Variants in MEI4 observed in about 807,000 individuals in gnomAD.
MEI4 encodes the protein meiosis-specific protein MEI4.
MEI4 carries 27 observed loss-of-function variants against 31.4 expected under a neutral mutation model. That is an observed-to-expected ratio of 0.86 (90% CI 0.63 to 1.19). The LOEUF (loss-of-function observed/expected upper bound fraction) is 1.19, where lower values mean the gene tolerates loss of function less well. MEI4 is among the 50% of genes most tolerant of loss of function. The pLI, the probability that MEI4 is intolerant of heterozygous loss-of-function variation, is 0.00. For missense variants in MEI4, 329 were observed against 398.9 expected, an observed-to-expected ratio of 0.82 and a Z score of 1.49; for synonymous variants, 122 against 145.4, an observed-to-expected ratio of 0.84 and a Z score of 1.16.
intron 4 of MEI4, among the ~76,000 whole-genome samples, chr6:77,851,166 G>A (rs1362279231): frequency 1.3e-5 from 2 of 152,070 alleles, no homozygotes; most frequent in African/African-American, 2.4e-5. Context: ...TGGAGAAATA[G>A]GAACACTTTT....
At chr6:77,772,264 AAAAAAAG>A (rs1768336962) in intron 3 of MEI4, among the ~76,000 whole-genome samples, 1 of 151,662 alleles carries the variant, frequency 6.6e-6, no homozygotes, top group African/African-American at 2.4e-5. Context: ...ATCAAAAAAA[AAAAAAAG>A]AAAACTACAG....
At chr6:77,667,121 G>GA (rs949024769) in intron 1 of MEI4, among the ~76,000 whole-genome samples, 1 of 152,144 alleles carries the variant, frequency 6.6e-6, no homozygotes, top group African/African-American at 2.4e-5. Context: ...CACCTTCTCT[G>GA]AATTTTAATT....
chr6:77,819,440 G>T (rs1769764901), intron 3 of MEI4, among the ~76,000 whole-genome samples: 1 of 151,778 alleles, frequency 6.6e-6, no homozygotes, highest in Non-Finnish European at 1.5e-5. Context: ...ATCATTATTG[G>T]ACCAGAAACC....
chr6:77,714,654 T>G (rs1766540267), intron 2 of MEI4, among the ~76,000 whole-genome samples: 1 of 152,158 alleles, frequency 6.6e-6, no homozygotes. Context: ...TTCAAGGCGC[T>G]CTCTATTGTG....
intron 4 of MEI4, among the ~76,000 whole-genome samples, chr6:77,915,081 ATTCCT>A (rs1766514616): frequency 6.6e-6 from 1 of 152,062 alleles, no homozygotes; most frequent in African/African-American, 2.4e-5. Context: ...GTGATGGCTT[ATTCCT>A]GCCATTTTAC....
intron 3 of MEI4, among the ~76,000 whole-genome samples, chr6:77,811,364 A>G (rs1022683733): frequency 1.3e-5 from 2 of 152,212 alleles, no homozygotes; most frequent in Non-Finnish European, 2.9e-5. Flanking sequence ...AATACTATCT[A>G]GCATAATGAA....
intron 2 of MEI4, among the ~76,000 whole-genome samples, chr6:77,699,868 T>A (rs1023327084): frequency 6.6e-6 from 1 of 151,730 alleles, no homozygotes; most frequent in Non-Finnish European, 1.5e-5. Flanking sequence ...TACCTGGGTG[T>A]CAGCAGCAGT....
rs968868909 is a variant in MEI4, at chr6:77,847,467, A to G, written c.900+18405A>G. Reference sequence around the variant, plus strand: ...GTCTATCAGTCACTGAAAAGAAGTCAGCAGAGTCATTTCAGTGTCATGAGA... The same window carrying G: ...GTCTATCAGTCACTGAAAAGAAGTCGGCAGAGTCATTTCAGTGTCATGAGA... On this transcript the variant is annotated intron_variant, in intron 4 of 4. Transcript: ENST00000684080. This position sits in a 1 kb window ranked among gnomAD's most constrained non-coding sequence, Gnocchi z 4.6. Among the ~76,000 whole-genome samples, 1 of 152,196 alleles carries G rather than the reference A, an allele frequency of 6.6e-6. No homozygotes were observed. Among genetic ancestry groups the G allele is most frequent in the Non-Finnish European group, 1.5e-5 (1 of 68,034 alleles).
intron 3 of MEI4, 31 bp from the exon 4 acceptor site, chr6:77,828,900 A>C: frequency 1.6e-6 from 2 of 1,230,652 alleles, no homozygotes; most frequent in Non-Finnish European, 2.0e-6. Flanking sequence ...GACGTGATGG[A>C]ATATAGAAAC....
At chr6:77,779,972 G>T (rs889065188) in intron 3 of MEI4, among the ~76,000 whole-genome samples, 1 of 152,138 alleles carries the variant, frequency 6.6e-6, no homozygotes, top group African/African-American at 2.4e-5. Flanking sequence ...ATGGGTATTG[G>T]AAAATAACAA....
At chr6:77,913,541 T>G (rs576504114) in intron 4 of MEI4, among the ~76,000 whole-genome samples, 17 of 152,198 alleles carry the variant, frequency 1.1e-4, no homozygotes, top group South Asian at 6.2e-4. Flanking sequence ...AGGAATTTAT[T>G]TATCTCCTCG....
chr6:77,912,727 G>A (rs1766459468), intron 4 of MEI4, among the ~76,000 whole-genome samples: 1 of 152,002 alleles, frequency 6.6e-6, no homozygotes, highest in Admixed American at 6.6e-5. Flanking sequence ...GGTTTTTCTA[G>A]ATAAAAGATA....
intron 2 of MEI4, among the ~76,000 whole-genome samples, chr6:77,753,528 A>C (rs140167261): frequency 0.092 from 14,012 of 152,308 alleles, 931 homozygotes; most frequent in East Asian, 0.31. Flanking sequence ...CATTAGAGAA[A>C]TGCAAATCAA....
chr6:77,742,028 A>G lies in MEI4; in HGVS notation c.233-19102A>G, dbSNP rs1320663530. On this transcript the variant is annotated intron_variant, in intron 2 of 4. Transcript: ENST00000684080. The stretch of plus-strand genomic sequence containing the variant: ...TTGATCCAGTCTATCATTGTTGGAC[A>G]TTTGGCTTGGTTCCAAGTCTTTGCT... 5.9e-5 allele frequency among the ~76,000 whole-genome samples: 9 copies of G among 152,060 alleles called. No individual in the cohort carries two copies. The East Asian group carries it at 1.7e-3, about 30-fold the overall frequency.
intron 2 of MEI4, among the ~76,000 whole-genome samples, chr6:77,713,362 CT>C (rs1425525649): frequency 6.6e-6 from 1 of 152,080 alleles, no homozygotes; most frequent in African/African-American, 2.4e-5. Flanking sequence ...GCAGAAGAAC[CT>C]AAGAATTTTT....
In MEI4 at chr6:77,923,459, CTA is replaced by C; in HGVS notation, c.*114_*115del. On this transcript the variant is annotated 3_prime_UTR_variant, in exon 5 of 5. Transcript: ENST00000684080. ...TTAATTAGCATTTTAGAATTGATCTCTAAATATAATTATCAATTCAACTTAAT... is the reference window on the plus strand; with the variant it reads ...TTAATTAGCATTTTAGAATTGATCTCAATATAATTATCAATTCAACTTAAT... The C allele has an allele frequency of 1.2e-6, 1 of 831,122 alleles. No individual in the cohort carries two copies. Among genetic ancestry groups the C allele is most frequent in the Non-Finnish European group, 1.6e-6 (1 of 624,854 alleles). The allele number at this position is 831,122 out of a possible 1,614,324, so 51.5% of individuals were successfully genotyped here.
intron 3 of MEI4, among the ~76,000 whole-genome samples, chr6:77,788,868 A>G (rs2127694655): frequency 6.6e-6 from 1 of 152,346 alleles, no homozygotes; most frequent in African/African-American, 2.4e-5. Flanking sequence ...CCATCTAGCT[A>G]CAAGTGACTT....
intron 2 of MEI4, among the ~76,000 whole-genome samples, chr6:77,720,314 A>C (rs1766683542): frequency 3.4e-5 from 1 of 29,322 alleles, no homozygotes; most frequent in African/African-American, 1.6e-4. Flanking sequence ...GTCCTTGGGA[A>C]TTATAAGGAA....
Position 77,672,266 on chromosome 6 carries a change from C to T in MEI4, c.-14-18392C>T, listed in dbSNP as rs1171651397. Among the ~76,000 whole-genome samples, 3 of 152,328 alleles carry T rather than the reference C, an allele frequency of 2.0e-5. No individual in the cohort carries two copies. The East Asian group carries it at 5.8e-4, about 29-fold the overall frequency. On this transcript the variant is annotated intron_variant, in intron 1 of 4. Coordinates refer to ENST00000684080, the MANE Select transcript of MEI4 (RefSeq NM_001322247.2). The stretch of plus-strand genomic sequence containing the variant: ...TTTTTGGTGTTCAATGTTTGCACAT[C>T]TATCCAGATCAAATAATGCTGTTAG...
Sources: gnomAD v4.1 joint callset for allele counts (sites outside exome capture counted in the v4.1 genomes callset) on GRCh38, gnomAD v4.1.1 for gene constraint, Gnocchi (gnomAD v3.1) non-coding constraint, MANE v1.5 for transcripts, NCBI Gene and HGNC (gene_info 2026-07-23, HGNC 2026-07-21) for gene names.